SLC6A8: variants seen among roughly 807,000 people sequenced by gnomAD.
SLC6A8 encodes solute carrier family 6 member 8.
In SLC6A8, 6 loss-of-function variants were observed where a neutral mutation model predicts 48.3. The ratio of observed to expected loss-of-function variants is 0.12; its 90% confidence interval spans 0.07 to 0.25. The LOEUF (loss-of-function observed/expected upper bound fraction) is 0.25. Among genes scored for constraint, SLC6A8 ranks in the 10% least tolerant of loss-of-function variants. The probability of loss-of-function intolerance (pLI) is 1.00; values close to 1 mark genes in which losing one functional copy is unlikely to be tolerated. For synonymous variants in SLC6A8, 245 were observed against 244.0 expected (o/e 1.00, Z -0.04); for missense variants, 260 against 551.5 (o/e 0.47, Z 5.29).
chrX:153,690,346 C>G, intron 1 of SLC6A8, 29 bp from the exon 2 acceptor site: 1 of 1,184,991 alleles, frequency 8.4e-7, no homozygotes, highest in Non-Finnish European at 1.1e-6. Context: ...GGGGGCCACC[C>G]TGAGTCCACG....
At chrX:153,688,924 C>A in intron 1 of SLC6A8, 88 bp downstream of exon 1, 1 of 517,029 alleles carries the variant, frequency 1.9e-6, no homozygotes. Context: ...GGGGTGAAGT[C>A]CGGGCAACGG....
chrX:153,687,956 A>G lies in SLC6A8; in HGVS notation c.-619A>G, dbSNP rs2091429804. The G allele has an allele frequency of 9.3e-6, 1 of 107,359 alleles. No homozygotes were observed. Among genetic ancestry groups the G allele is most frequent in the East Asian group, 3.1e-4 (1 of 3,187 alleles). 8.8% of individuals were successfully genotyped at this position (107,359 alleles called of 1,213,427 possible). ...GAGGGATAGTCGGAGCGAGGTGGCG[A>G]GTCGCTGAGCCCGCCGCGGCCCCGA... On this transcript the variant is annotated 5_prime_UTR_variant, in exon 1 of 13. Coordinates refer to ENST00000253122, the MANE Select transcript of SLC6A8 (RefSeq NM_005629.4).
rs782220506 is a variant in SLC6A8 at position 153,694,939 on chromosome X, A to G, written c.1767+50A>G. On this transcript the variant is annotated intron_variant, in intron 12 of 12. Transcript: ENST00000253122. The stretch of plus-strand genomic sequence containing the variant: ...TCCCCTCCCCTGCTGTGAACATTCA[A>G]CCCAGCCTGCTTCCTAGCCAGGGAG... 14 of 1,113,236 alleles carry G rather than the reference A, an allele frequency of 1.3e-5. No homozygotes were observed. In the South Asian group the frequency reaches 2.5e-4, roughly 20 times the overall value. The allele number at this position is 1,113,236 out of a possible 1,213,427, so 91.7% of individuals were successfully genotyped here.
chrX:153,692,978 G>A (rs782001357), intron 4 of SLC6A8, 63 bp from the exon 5 acceptor site: 24 of 1,191,348 alleles, frequency 2.0e-5, no homozygotes, highest in Admixed American at 1.1e-4. Context: ...GACCGGAGGC[G>A]CTGGGAGTGG....
rs1557046064 is a variant in SLC6A8, at chrX:153,695,782, A to T, written c.*568A>T. Reference sequence around the variant, plus strand: ...ATGGAACCTTCTGGTTCCTGCGCCAATCGCCACCAGTATCAATTGTGTGAG... The same window carrying T: ...ATGGAACCTTCTGGTTCCTGCGCCATTCGCCACCAGTATCAATTGTGTGAG... On this transcript the variant is annotated 3_prime_UTR_variant, in exon 13 of 13. Transcript: ENST00000253122. 7.1e-6 allele frequency: 1 copy of T among 140,390 alleles called. No homozygotes were observed. Among genetic ancestry groups the T allele is most frequent in the Non-Finnish European group, 1.4e-5 (1 of 70,331 alleles). 11.6% of individuals were successfully genotyped at this position (140,390 alleles called of 1,213,427 possible). A position where few individuals can be genotyped will look rare whatever the true frequency, so the allele number is the denominator to read the frequency against.
At position 153,693,682 on chromosome X, in the gene SLC6A8, AG is replaced by A. The variant is rs1329360770; in HGVS notation, c.1141+98del. On this transcript the variant is annotated intron_variant, in intron 7 of 12. Transcript: ENST00000253122. ...GCAATAGAAATGCTGAAAAGTGACG[AG>A]GATTCAAACGGAACTTGTCAGATTG... is the stretch of plus-strand genomic sequence containing the variant. The A allele has an allele frequency of 7.8e-6, 8 of 1,031,089 alleles. No homozygotes were observed. In the South Asian group the frequency reaches 1.1e-4, roughly 15 times the overall value. 85.0% of individuals were successfully genotyped at this position (1,031,089 alleles called of 1,213,427 possible).
chrX:153,690,225 C>T (rs2091447845), intron 1 of SLC6A8, 150 bp from the exon 2 acceptor site: 1 of 558,720 alleles, frequency 1.8e-6, no homozygotes, highest in African/African-American at 2.3e-5. Context: ...CCCCTCAAGA[C>T]TCCACCTGGG....
rs1350256749 is a variant in SLC6A8, at chrX:153,696,208, C to T, written c.*994C>T. 3.8e-5 allele frequency: 10 copies of T among 265,818 alleles called. No homozygotes were observed. The highest frequency in any genetic ancestry group is 7.6e-4 in the Middle Eastern group (1 of 1,319). 21.9% of individuals were successfully genotyped at this position (265,818 alleles called of 1,213,427 possible). A position where few individuals can be genotyped will look rare whatever the true frequency, so the allele number is the denominator to read the frequency against. ...GGTGGGGGCCTCGGGGCTGTCCCCA[C>T]GCTGTCCCTTTGCCACAAGTCTGTG... is the stretch of plus-strand genomic sequence containing the variant. On this transcript the variant is annotated 3_prime_UTR_variant, in exon 13 of 13. Transcript: ENST00000253122.
At position 153,693,594 on chromosome X, in the gene SLC6A8, C is replaced by T; in HGVS notation, c.1141+8C>T. 8.3e-7 allele frequency: 1 copy of T among 1,209,323 alleles called. No individual in the cohort carries two copies. On this transcript the variant is annotated splice_region_variant and intron_variant, in intron 7 of 12. Coordinates refer to ENST00000253122, the MANE Select transcript of SLC6A8 (RefSeq NM_005629.4). ...CCAAGGTGGCAGAGTCAGGTAGGGC[C>T]CTACCCCCAGCCCCGCCTCCAGAGC...
rs868950793 is a variant in SLC6A8, at chrX:153,688,666, C to T, written c.92C>T (p.Pro31Leu). The change falls in exon 1 of 13, where the codon CCG becomes CTG. Residue 31 changes from proline (P) to leucine (L), a missense_variant. This residue lies in a region of SLC6A8 where 50 missense variants were observed against 55.1 expected (regional missense o/e 0.91). Transcript: ENST00000253122. ...PLIAPGPDGAPAKGDGPVGLG... is the reference protein window; with the variant it reads ...PLIAPGPDGALAKGDGPVGLG... ...ATCGCGCCCGGGCCCGACGGGGCCCCGGCCAAGGGCGACGGCCCCGTGGGC... is the reference window on the plus strand; with the variant it reads ...ATCGCGCCCGGGCCCGACGGGGCCCTGGCCAAGGGCGACGGCCCCGTGGGC... The T allele has an allele frequency of 4.1e-5, 44 of 1,077,216 alleles. No homozygotes were observed. In the Middle Eastern group the frequency reaches 3.7e-3, roughly 91 times the overall value. 88.8% of individuals were successfully genotyped at this position (1,077,216 alleles called of 1,213,427 possible).
rs1385763386 is a variant in SLC6A8 at position 153,696,427 on chromosome X, G to A, written c.*1213G>A. 8.5e-5 allele frequency: 28 copies of A among 330,373 alleles called. No individual in the cohort carries two copies. Among genetic ancestry groups the A allele is most frequent in the South Asian group, 5.5e-4 (21 of 38,450 alleles). 27.2% of individuals were successfully genotyped at this position (330,373 alleles called of 1,213,427 possible). A position where few individuals can be genotyped will look rare whatever the true frequency, so the allele number is the denominator to read the frequency against. On this transcript the variant is annotated 3_prime_UTR_variant, in exon 13 of 13. Transcript: ENST00000253122. The stretch of plus-strand genomic sequence containing the variant: ...GCTTTAACCCACGTTTGTCTGTCAC[G>A]TCCAGTCCCGAGACGGCTGAGTGAC...
chrX:153,690,808 C>T, intron 2 of SLC6A8: 1 of 320,363 alleles, frequency 3.1e-6, no homozygotes, highest in South Asian at 3.6e-5. Context: ...CCCAAGGACG[C>T]TGGGGCACAG....
chrX:153,695,056 T>C lies in SLC6A8; in HGVS notation c.1768-18T>C, dbSNP rs2091481872. ...GCAGGTGACCCTGGGGGCTTCAGCA[T>C]GTCCTCCTCTCCTGCAGCGCTGGCA... On this transcript the variant is annotated intron_variant, in intron 12 of 12. Transcript: ENST00000253122. 5 of 1,194,824 alleles carry C rather than the reference T, an allele frequency of 4.2e-6. No individual in the cohort carries two copies. Among genetic ancestry groups the C allele is most frequent in the Non-Finnish European group, 5.6e-6 (5 of 886,138 alleles).
chrX:153,688,729 G>A lies in SLC6A8; in HGVS notation c.155G>A (p.Arg52His). The A allele has an allele frequency of 1.8e-6, 2 of 1,137,491 alleles. No individual in the cohort carries two copies. The highest frequency in any genetic ancestry group is 2.3e-6 in the Non-Finnish European group (2 of 856,250). The allele number at this position is 1,137,491 out of a possible 1,213,427, so 93.7% of individuals were successfully genotyped here. The change falls in exon 1 of 13, where the codon CGC becomes CAC. Residue 52 changes from arginine to histidine, a missense_variant. Around this residue, in one of 7 missense-constraint regions of SLC6A8, gnomAD observed 24 missense variants for 52.0 expected, o/e 0.46. Coordinates refer to ENST00000253122, the MANE Select transcript of SLC6A8 (RefSeq NM_005629.4). The stretch of plus-strand genomic sequence containing the variant: ...GGCGGCCGCCTGGCCGTGCCGCCGC[G>A]CGAGACCTGGACGCGCCAGATGGAC... ...TPGGRLAVPP[R>H]ETWTRQMDFI...
chrX:153,692,186 C>T (rs556610462), intron 4 of SLC6A8, 79 bp downstream of exon 4: 38 of 1,001,790 alleles, frequency 3.8e-5, no homozygotes, highest in African/African-American at 2.9e-4. Flanking sequence ...CCTGTGGCAA[C>T]GGGAGGTGAC....
intron 1 of SLC6A8, 86 bp downstream of exon 1, chrX:153,688,922 G>A: frequency 1.8e-6 from 1 of 545,151 alleles, no homozygotes; most frequent in Non-Finnish European, 2.5e-6. Context: ...GAGGGGTGAA[G>A]TCCGGGCAAC....
chrX:153,695,142 T>C lies in SLC6A8; in HGVS notation c.1836T>C (p.Asp612=). 2 of 1,199,364 alleles carry C rather than the reference T, an allele frequency of 1.7e-6. No individual in the cohort carries two copies. Among genetic ancestry groups the C allele is most frequent in the South Asian group, 1.8e-5 (1 of 55,144 alleles). The change falls in exon 13 of 13, where the codon GAT becomes GAC. Residue 612 remains aspartate (D), a synonymous_variant. Coordinates refer to ENST00000253122, the MANE Select transcript of SLC6A8 (RefSeq NM_005629.4). The part of the protein sequence containing the change: ...HHLEYRAQDA[D]VRGLTTLTPV... ...TGGAGTACCGAGCTCAGGACGCAGA[T>C]GTCAGGGGCCTGACCACCCTGACCC...
At chrX:153,689,819 CT>C (rs2091445749) in intron 1 of SLC6A8, among the ~76,000 whole-genome samples, 1 of 112,148 alleles carries the variant, frequency 8.9e-6, no homozygotes, top group African/African-American at 3.2e-5. Flanking sequence ...GGCCTGGCCC[CT>C]CTTCCGCACC....
rs781848986 is a variant in SLC6A8 at position 153,692,012 on chromosome X, C to T, written c.682C>T (p.Pro228Ser). Residue 228 changes from proline (P) to serine (S), a missense_variant, in exon 4 of 13, where the codon CCA (proline) becomes TCA (serine). Pro to Ser is a moderately conservative substitution (Grantham distance 74). Transcript: ENST00000253122. ...VLRLSGGLEV[P>S]GALNWEVTLC... ...GAGGCTGTCTGGGGGACTGGAGGTG[C>T]CAGGGGCCCTCAACTGGGAGGTGAC... 8.4e-7 allele frequency: 1 copy of T among 1,189,344 alleles called. No individual in the cohort carries two copies. Among genetic ancestry groups the T allele is most frequent in the African/African-American group, 1.8e-5 (1 of 56,951 alleles).
Sources: allele counts gnomAD v4.1 joint callset (sites outside exome capture counted in the v4.1 genomes callset), GRCh38; gene constraint gnomAD v4.1.1; regional missense constraint gnomAD v4.1.1; transcripts MANE v1.5; gene names NCBI Gene and HGNC (gene_info 2026-07-23, HGNC 2026-07-21).